The following RAB10 variants were observed in gnomAD, a reference collection of about 807,000 sequenced individuals.
The protein encoded by RAB10 is ras-related protein Rab-10.
In RAB10, 5 loss-of-function variants were observed where a neutral mutation model predicts 25.7. The observed-to-expected ratio is 0.19, with a 90% CI of 0.10 to 0.41. The LOEUF is 0.41. RAB10 is among the 10% of genes least tolerant of loss of function. RAB10 has a pLI of 1.00. For missense variants in RAB10, 103 were observed against 245.8 expected (o/e 0.42, Z 3.89); for synonymous variants, 89 against 86.4 (o/e 1.03, Z -0.16).
chr2:26,072,369 T>A (rs1406571536), intron 1 of RAB10, among the ~76,000 whole-genome samples: 1 of 151,844 alleles, frequency 6.6e-6, no homozygotes, highest in East Asian at 1.9e-4. Context: ...TGAGCTGAGA[T>A]CAAATTACTG....
chr2:26,066,080 T>C (rs1666506267), intron 1 of RAB10, among the ~76,000 whole-genome samples: 1 of 152,172 alleles, frequency 6.6e-6, no homozygotes, highest in South Asian at 2.1e-4. Flanking sequence ...TGAACAGAGT[T>C]AACTTTCAAA....
At chr2:26,057,088 G>A (rs116489119) in intron 1 of RAB10, among the ~76,000 whole-genome samples, 3,718 of 152,324 alleles carry the variant, frequency 0.024, 151 homozygotes, top group African/African-American at 0.086. Context: ...TATGCAAGAA[G>A]GAGCAGATCT....
intron 1 of RAB10, among the ~76,000 whole-genome samples, chr2:26,080,856 C>T (rs1343146646): frequency 6.6e-6 from 1 of 152,058 alleles, no homozygotes; most frequent in African/African-American, 2.4e-5. Context: ...CTGTAGATAC[C>T]ACCTTAACCA....
At chr2:26,036,176 T>C (rs1665760280) in intron 1 of RAB10, among the ~76,000 whole-genome samples, 1 of 152,192 alleles carries the variant, frequency 6.6e-6, no homozygotes, top group African/African-American at 2.4e-5. Context: ...CAAATATTTA[T>C]TGAGCACCTA....
intron 1 of RAB10, among the ~76,000 whole-genome samples, chr2:26,061,159 G>T (rs1477846847): frequency 7.0e-6 from 1 of 143,244 alleles, no homozygotes; most frequent in Non-Finnish European, 1.5e-5. Flanking sequence ...CTGTCACCTG[G>T]GCTGGATTGC....
rs1322333623 is a variant in RAB10 at position 26,124,447 on chromosome 2, T to C, written c.328-2697T>C. ...CAGGTTCTTGCTTTGTTGCCCTGGCTGGAGTGCAGTGGCAGTGATAATAGT... is the reference window on the plus strand; with the variant it reads ...CAGGTTCTTGCTTTGTTGCCCTGGCCGGAGTGCAGTGGCAGTGATAATAGT... On this transcript the variant is annotated intron_variant, in intron 3 of 5. Coordinates refer to ENST00000264710, the MANE Select transcript of RAB10 (RefSeq NM_016131.5). 2.3e-5 allele frequency among the ~76,000 whole-genome samples: 3 copies of C among 131,546 alleles called. No individual in the cohort carries two copies. The Admixed American group carries it at 2.5e-4, about 11-fold the overall frequency. The allele number at this position is 131,546 out of a possible 152,430, so 86.3% of individuals were successfully genotyped here. A position where few individuals can be genotyped will look rare whatever the true frequency, so the allele number is the denominator to read the frequency against.
chr2:26,104,197 C>T (rs1667418578), intron 2 of RAB10, among the ~76,000 whole-genome samples: 1 of 152,162 alleles, frequency 6.6e-6, no homozygotes, highest in Non-Finnish European at 1.5e-5. Flanking sequence ...ACATTGTCAC[C>T]AACAGGGTAT....
At chr2:26,055,597 C>T (rs1666244757) in intron 1 of RAB10, among the ~76,000 whole-genome samples, 1 of 152,058 alleles carries the variant, frequency 6.6e-6, no homozygotes, top group African/African-American at 2.4e-5. Context: ...ACATGTTGTC[C>T]AGGCTGGTCT....
At chr2:26,059,872 A>C (rs1666358963) in intron 1 of RAB10, among the ~76,000 whole-genome samples, 1 of 152,216 alleles carries the variant, frequency 6.6e-6, no homozygotes, top group East Asian at 1.9e-4. Context: ...TGTACACTTA[A>C]AAATTGTTAG....
At chr2:26,071,290 C>G (rs1321707429) in intron 1 of RAB10, among the ~76,000 whole-genome samples, 1 of 152,216 alleles carries the variant, frequency 6.6e-6, no homozygotes, top group Admixed American at 6.5e-5. Flanking sequence ...CTTGAAAGAA[C>G]AACTGGCAAA....
chr2:26,049,959 T>C (rs1666098653), intron 1 of RAB10, among the ~76,000 whole-genome samples: 1 of 152,242 alleles, frequency 6.6e-6, no homozygotes, highest in Non-Finnish European at 1.5e-5. Context: ...TCTGTTGTTT[T>C]CCTGGACACC....
chr2:26,056,535 G>A (rs1439182135), intron 1 of RAB10, among the ~76,000 whole-genome samples: 1 of 152,164 alleles, frequency 6.6e-6, no homozygotes, highest in Non-Finnish European at 1.5e-5. Context: ...ACTCAGTTTA[G>A]TAAGACTACA....
chr2:26,092,159 G>A (rs1667119484), intron 1 of RAB10, among the ~76,000 whole-genome samples: 1 of 150,624 alleles, frequency 6.6e-6, no homozygotes, highest in Non-Finnish European at 1.5e-5. Context: ...ATGAAAGAGT[G>A]AGACTGTGTC....
At chr2:26,034,812 G>A in intron 1 of RAB10, 77 bp downstream of exon 1, 7 of 1,560,148 alleles carry the variant, frequency 4.5e-6, no homozygotes, top group South Asian at 1.1e-5. Context: ...CTTGCTTCCC[G>A]TAATATACGC....
At chr2:26,080,276 G>A (rs561719231) in intron 1 of RAB10, among the ~76,000 whole-genome samples, 314 of 152,252 alleles carry the variant, frequency 2.1e-3, no homozygotes, top group African/African-American at 7.3e-3. Flanking sequence ...TGCAAAAGCA[G>A]AATTTCAATT....
intron 3 of RAB10, among the ~76,000 whole-genome samples, chr2:26,113,448 C>A (rs1667618016): frequency 6.6e-6 from 1 of 152,032 alleles, no homozygotes; most frequent in African/African-American, 2.4e-5. Context: ...ATGGCAAACA[C>A]CTGTAACCCC....
intron 1 of RAB10, among the ~76,000 whole-genome samples, chr2:26,065,035 CTGGG>C (rs1354768417): frequency 2.6e-5 from 4 of 152,156 alleles, no homozygotes; most frequent in Admixed American, 6.5e-5. Flanking sequence ...GCTCTGTAGC[CTGGG>C]TGACAGAGCA....
intron 1 of RAB10, among the ~76,000 whole-genome samples, chr2:26,035,815 AAC>A (rs1421943084): frequency 6.6e-6 from 1 of 152,210 alleles, no homozygotes; most frequent in Non-Finnish European, 1.5e-5. Context: ...GCTGATTTGA[AAC>A]AGTTTGTATA....
Position 26,116,167 on chromosome 2 carries a change from AGTT to A in RAB10, c.327+6265_327+6267del, listed in dbSNP as rs1277943879. Among the ~76,000 whole-genome samples, 7 of 151,726 alleles carry A rather than the reference AGTT, an allele frequency of 4.6e-5. 1 individual carries two copies. The South Asian group carries it at 1.0e-3, about 23-fold the overall frequency. On this transcript the variant is annotated intron_variant, in intron 3 of 5. Coordinates refer to ENST00000264710, the MANE Select transcript of RAB10 (RefSeq NM_016131.5). Reference sequence around the variant, plus strand: ...CAGGCATGAGCCACTGCGCCCCACCAGTTGTTAATATTTTTTAATTAAAAAATA... The same window carrying A: ...CAGGCATGAGCCACTGCGCCCCACCAGTTAATATTTTTTAATTAAAAAATA...
Sources: gnomAD v4.1 joint callset for allele counts (sites outside exome capture counted in the v4.1 genomes callset) on GRCh38, gnomAD v4.1.1 for gene constraint, MANE v1.5 for transcripts, NCBI Gene and HGNC (gene_info 2026-07-23, HGNC 2026-07-21) for gene names.